Variants in SH3TC2 observed in about 807,000 individuals in gnomAD.
SH3TC2 encodes SH3 domain and tetratricopeptide repeats 2.
Under a neutral mutation model 124.5 loss-of-function variants are expected in SH3TC2, and 87 were observed. The observed-to-expected ratio is 0.70, with a 90% CI of 0.59 to 0.84. The LOEUF (loss-of-function observed/expected upper bound fraction) is 0.84, where lower values mean the gene tolerates loss of function less well. Among genes scored for constraint, SH3TC2 ranks in the 40% least tolerant of loss-of-function variants. The pLI, the probability that SH3TC2 is intolerant of heterozygous loss-of-function variation, is 0.00. For synonymous variants in SH3TC2, 634 were observed against 628.5 expected, an observed-to-expected ratio of 1.01 and a Z score of -0.13; for missense variants, 1,536 against 1,566.4, an observed-to-expected ratio of 0.98 and a Z score of 0.33.
Position 149,063,030 on chromosome 5 carries a change from C to T in SH3TC2, c.-8G>A. ...GCAGAAGCAGCCACCCATGTGTGTA[C>T]CATCCTACCCTGGCCGAGGCCCTTG... is the stretch of plus-strand genomic sequence containing the variant. On this transcript the variant is annotated 5_prime_UTR_variant, in exon 1 of 17. Transcript: ENST00000515425. The T allele has an allele frequency of 6.3e-7, 1 of 1,598,182 alleles. No individual in the cohort carries two copies. Among genetic ancestry groups the T allele is most frequent in the Non-Finnish European group, 8.5e-7 (1 of 1,171,834 alleles).
chr5:149,062,331 A>G (rs1290367850), intron 1 of SH3TC2: 1 of 531,776 alleles, frequency 1.9e-6, no homozygotes, highest in East Asian at 5.6e-5. Context: ...AGGGAGACCA[A>G]CCAGCCTGGT....
chr5:149,004,710 C>CT lies in SH3TC2; in HGVS notation c.3867dup, dbSNP rs1753655017. The CT allele has an allele frequency of 6.2e-7, 1 of 1,612,872 alleles. No individual in the cohort carries two copies. The highest frequency in any genetic ancestry group is 8.5e-7 in the Non-Finnish European group (1 of 1,179,916). ...AATGTCCAGAGACAGGACAGCTTTCCTCAGAGGGCCAGGCCACCACCACTC... is the reference window on the plus strand; with the variant it reads ...AATGTCCAGAGACAGGACAGCTTTCCTTCAGAGGGCCAGGCCACCACCACTC... On this transcript the variant is annotated 3_prime_UTR_variant, in exon 17 of 17. Transcript: ENST00000515425.
In SH3TC2 at chr5:149,042,676, C is replaced by A; in HGVS notation, c.529+18G>T. 6.2e-7 allele frequency: 1 copy of A among 1,613,938 alleles called. No homozygotes were observed. The highest frequency in any genetic ancestry group is 8.5e-7 in the Non-Finnish European group (1 of 1,179,882). On this transcript the variant is annotated intron_variant, in intron 5 of 16. Coordinates refer to ENST00000515425, the MANE Select transcript of SH3TC2 (RefSeq NM_024577.4). The stretch of plus-strand genomic sequence containing the variant: ...ATATCTGAATAAGATCCCATCTCTA[C>A]CCCTATGCCACACTCACCTTCCTGT...
At chr5:149,006,735 C>G (rs1753694972) in intron 16 of SH3TC2, 146 bp downstream of exon 16, 2 of 846,244 alleles carry the variant, frequency 2.4e-6, no homozygotes, top group Non-Finnish European at 4.1e-6. Flanking sequence ...CCCTGTAAAG[C>G]CACTCCTCAC....
chr5:148,982,719 C>A lies in SH3TC2; in HGVS notation c.*21992G>T, dbSNP rs560852199. The stretch of plus-strand genomic sequence containing the variant: ...AATTGTTTTTATACACACAAAATAT[C>A]CCTGGAAGAATACACAAGAAACTAA... On this transcript the variant is annotated 3_prime_UTR_variant, in exon 17 of 17. Coordinates refer to ENST00000515425, the MANE Select transcript of SH3TC2 (RefSeq NM_024577.4). 4.6e-5 allele frequency among the ~76,000 whole-genome samples: 7 copies of A among 152,150 alleles called. No homozygotes were observed. The highest frequency in any genetic ancestry group is 1.7e-4 in the African/African-American group (7 of 41,496).
chr5:149,009,036 T>C, intron 14 of SH3TC2, 35 bp from the exon 15 acceptor site: 1 of 1,613,972 alleles, frequency 6.2e-7, no homozygotes, highest in Non-Finnish European at 8.5e-7. Flanking sequence ...TTAGTCTAGC[T>C]AGGAATCCTC....
intron 12 of SH3TC2, among the ~76,000 whole-genome samples, chr5:149,019,523 A>G (rs1171687904): frequency 6.6e-6 from 1 of 152,218 alleles, no homozygotes. Context: ...TACAAATAGG[A>G]ATCTCAGAGT....
rs144688852 is a variant in SH3TC2, at chr5:149,026,920, G to A, written c.2812C>T (p.His938Tyr). The change falls in exon 11 of 17, where the codon CAT becomes TAT. Residue 938 changes from histidine (H) to tyrosine (Y), a missense_variant. By Grantham distance (83) the His-to-Tyr change is moderately conservative. Coordinates refer to ENST00000515425, the MANE Select transcript of SH3TC2 (RefSeq NM_024577.4). ...QVLVSGHQLT[H>Y]GLLCYEMALL... ...GCCATTTCATAACAAAGAAGGCCAT[G>A]GGTCAGCTGGTGTCCAGACACCAGA... 974 of 1,614,194 alleles carry A rather than the reference G, an allele frequency of 6.0e-4. No homozygotes were observed. Among genetic ancestry groups the A allele is most frequent in the Non-Finnish European group, 7.8e-4 (920 of 1,180,040 alleles).
chr5:149,057,107 A>T (rs1448013760), intron 1 of SH3TC2, among the ~76,000 whole-genome samples: 1 of 152,220 alleles, frequency 6.6e-6, no homozygotes, highest in African/African-American at 2.4e-5. Flanking sequence ...TATGTTAAAG[A>T]CAACACAATC....
intron 12 of SH3TC2, among the ~76,000 whole-genome samples, chr5:149,022,646 A>G (rs866230321): frequency 6.6e-6 from 1 of 152,370 alleles, no homozygotes; most frequent in Middle Eastern, 3.4e-3. Context: ...TCAAATGTCC[A>G]TCAACTGATG....
At chr5:149,031,120 C>A (rs139291292) in intron 9 of SH3TC2, among the ~76,000 whole-genome samples, 1 of 152,200 alleles carries the variant, frequency 6.6e-6, no homozygotes, top group Non-Finnish European at 1.5e-5. Flanking sequence ...GGCACTAATT[C>A]GTTTAGGCCT....
rs928106329 is a variant in SH3TC2 at position 148,999,436 on chromosome 5, C to T, written c.*5275G>A. Among the ~76,000 whole-genome samples, 4 of 152,178 alleles carry T rather than the reference C, an allele frequency of 2.6e-5. No homozygotes were observed. The highest frequency in any genetic ancestry group is 4.4e-5 in the Non-Finnish European group (3 of 68,036). ...ACTCCAAAACACATTACATTGCCCC[C>T]ACCTGAGCTGCCACCTGAGTGAGTG... On this transcript the variant is annotated 3_prime_UTR_variant, in exon 17 of 17. Transcript: ENST00000515425.
At chr5:149,041,297 C>A (rs1450487147) in intron 6 of SH3TC2, 119 bp downstream of exon 6, 8 of 1,047,386 alleles carry the variant, frequency 7.6e-6, no homozygotes, top group Non-Finnish European at 1.1e-5. Flanking sequence ...AAAGACCCAC[C>A]CAGAATCTGT....
At chr5:149,037,343 C>T (rs891701002) in intron 8 of SH3TC2, among the ~76,000 whole-genome samples, 5 of 152,178 alleles carry the variant, frequency 3.3e-5, no homozygotes, top group African/African-American at 4.8e-5. Flanking sequence ...TCTCCAGGAG[C>T]TCAGTGAGTG....
Position 149,027,293 on chromosome 5 carries a change from C to T in SH3TC2, c.2439G>A (p.Lys813=). 1 of 1,614,118 alleles carries T rather than the reference C, an allele frequency of 6.2e-7. No homozygotes were observed. Among genetic ancestry groups the T allele is most frequent in the South Asian group, 1.1e-5 (1 of 91,090 alleles). ...AWAYLLASQA[K]KALDVLEPLL... ...GTGGCTCAAGCACATCCAAAGCCTT[C>T]TTGGCCTGGCTGGCTAAGAGATAGG... The change falls in exon 11 of 17, where the codon AAG becomes AAA. Residue 813 remains lysine, a synonymous_variant. Coordinates refer to ENST00000515425, the MANE Select transcript of SH3TC2 (RefSeq NM_024577.4).
At position 148,985,104 on chromosome 5, in the gene SH3TC2, C is replaced by A. The variant is rs1369698463; in HGVS notation, c.*19607G>T. On this transcript the variant is annotated 3_prime_UTR_variant, in exon 17 of 17. Transcript: ENST00000515425. The stretch of plus-strand genomic sequence containing the variant: ...TATTGGTTCTGACTCCACTTGACAT[C>A]CTCAGAAAACAAACACTGAATAAGA... Among the ~76,000 whole-genome samples the A allele has an allele frequency of 6.6e-6, 1 of 151,442 alleles. No individual in the cohort carries two copies. The highest frequency in any genetic ancestry group is 2.4e-5 in the African/African-American group (1 of 41,144).
At chr5:149,026,314 A>G (rs995433741) in intron 12 of SH3TC2, 1 of 536,982 alleles carries the variant, frequency 1.9e-6, no homozygotes, top group South Asian at 2.1e-5. Context: ...ATCCTTCACA[A>G]TAACACTATA....
intron 8 of SH3TC2, 35 bp downstream of exon 8, chr5:149,038,260 C>A: frequency 6.2e-7 from 1 of 1,603,764 alleles, no homozygotes; most frequent in Non-Finnish European, 8.5e-7. Context: ...GGAAAGGGAG[C>A]CCAGCTCCAG....
rs1182942067 is a variant in SH3TC2, at chr5:148,992,439, C to T, written c.*12272G>A. Among the ~76,000 whole-genome samples, 1 of 152,100 alleles carries T rather than the reference C, an allele frequency of 6.6e-6. No individual in the cohort carries two copies. Among genetic ancestry groups the T allele is most frequent in the African/African-American group, 2.4e-5 (1 of 41,416 alleles). On this transcript the variant is annotated 3_prime_UTR_variant, in exon 17 of 17. Transcript: ENST00000515425. ...TCACCTGGAGGATACATATATAACACCTACCTAAGCCCTAGCATGTCAACC... is the reference window on the plus strand; with the variant it reads ...TCACCTGGAGGATACATATATAACATCTACCTAAGCCCTAGCATGTCAACC...
Sources: gnomAD v4.1 joint callset for allele counts (sites outside exome capture counted in the v4.1 genomes callset) on GRCh38, gnomAD v4.1.1 for gene constraint, MANE v1.5 for transcripts, NCBI Gene and HGNC (gene_info 2026-07-23, HGNC 2026-07-21) for gene names.